Variants in C9 observed in about 807,000 individuals in gnomAD.
C9 encodes complement component C9.
A neutral mutation model predicts 65.4 loss-of-function variants in C9; 63 were observed. The ratio of observed to expected loss-of-function variants is 0.96; its 90% confidence interval spans 0.79 to 1.19. The LOEUF is 1.19. Among genes scored for constraint, C9 ranks in the 50% most tolerant of loss-of-function variants. The pLI, the probability that C9 is intolerant of heterozygous loss-of-function variation, is 0.00. For missense variants in C9, 744 were observed against 670.1 expected (o/e 1.11, Z -1.22); for synonymous variants, 229 against 227.9 (o/e 1.00, Z -0.04).
intron 1 of C9, among the ~76,000 whole-genome samples, chr5:39,353,056 C>T (rs1169170498): frequency 1.3e-5 from 2 of 152,022 alleles, no homozygotes; most frequent in Non-Finnish European, 2.9e-5. Context: ...GATGTGAAGA[C>T]AGAAAAGGCA....
At chr5:39,299,881 A>C (rs1264943844) in intron 9 of C9, among the ~76,000 whole-genome samples, 1 of 152,158 alleles carries the variant, frequency 6.6e-6, no homozygotes, top group East Asian at 1.9e-4. Flanking sequence ...CTAAAAACCA[A>C]GATATAAAAT....
chr5:39,344,800 C>T (rs945517936), intron 1 of C9, among the ~76,000 whole-genome samples: 1 of 152,126 alleles, frequency 6.6e-6, no homozygotes, highest in African/African-American at 2.4e-5. Flanking sequence ...TAAAGGGAAA[C>T]CCATCAGACT....
chr5:39,295,283 G>A (rs529096190), intron 9 of C9, among the ~76,000 whole-genome samples: 1 of 151,938 alleles, frequency 6.6e-6, no homozygotes, highest in East Asian at 1.9e-4. Context: ...GTTTGCAGAA[G>A]ACATGATCTT....
At position 39,347,691 on chromosome 5, in the gene C9, C is replaced by T. The variant is rs535737270; in HGVS notation, c.78-5495G>A. ...CTACTTTAAAGTTCATATGGAACCA[C>T]AAAAGAGCCCTCATTACCAAGATAA... On this transcript the variant is annotated intron_variant, in intron 1 of 10. Transcript: ENST00000263408. Among the ~76,000 whole-genome samples the T allele has an allele frequency of 2.6e-4, 40 of 152,214 alleles. No homozygotes were observed. The South Asian group carries it at 8.3e-3, about 32-fold the overall frequency.
chr5:39,357,924 T>G lies in C9; in HGVS notation c.77+6464A>C, dbSNP rs529798624. Among the ~76,000 whole-genome samples the G allele has an allele frequency of 5.8e-4, 89 of 152,248 alleles. 1 individual carries two copies. Among genetic ancestry groups the G allele is most frequent in the African/African-American group, 2.1e-3 (86 of 41,540 alleles). ...TCTAAAGATATTTGCTTGAAAGCCT[T>G]TCACCACTGTGTACGAAGCCACCTA... On this transcript the variant is annotated intron_variant, in intron 1 of 10. Transcript: ENST00000263408.
intron 5 of C9, among the ~76,000 whole-genome samples, chr5:39,324,998 CT>C (rs1411854015): frequency 6.6e-6 from 1 of 152,048 alleles, no homozygotes; most frequent in African/African-American, 2.4e-5. Flanking sequence ...ATAAACATTG[CT>C]TATGGCACTA....
intron 1 of C9, among the ~76,000 whole-genome samples, chr5:39,360,953 C>T (rs1307982457): frequency 6.6e-6 from 1 of 152,036 alleles, no homozygotes; most frequent in East Asian, 1.9e-4. Flanking sequence ...TAACCACTTA[C>T]AAAATGATAT....
intron 5 of C9, among the ~76,000 whole-genome samples, chr5:39,318,927 T>G (rs959464998): frequency 3.3e-5 from 5 of 152,242 alleles, no homozygotes; most frequent in African/African-American, 9.6e-5. Flanking sequence ...CTAGATTTAT[T>G]TCTAGTCAAT....
At chr5:39,318,798 T>C (rs1171234856) in intron 5 of C9, among the ~76,000 whole-genome samples, 1 of 152,212 alleles carries the variant, frequency 6.6e-6, no homozygotes, top group Non-Finnish European at 1.5e-5. Flanking sequence ...TATAGTTATC[T>C]TTAAAACAAG....
chr5:39,290,847 T>G (rs180822426), intron 9 of C9, among the ~76,000 whole-genome samples: 10 of 151,996 alleles, frequency 6.6e-5, no homozygotes, highest in Admixed American at 6.6e-4. Flanking sequence ...ATGCTATCCT[T>G]TGATTTGGGG....
chr5:39,361,978 G>T (rs1346138860), intron 1 of C9, among the ~76,000 whole-genome samples: 1 of 152,128 alleles, frequency 6.6e-6, no homozygotes, highest in Non-Finnish European at 1.5e-5. Context: ...GCACAGGAAG[G>T]TTATTATTTT....
chr5:39,306,570 TA>T, intron 9 of C9, 46 bp downstream of exon 9: 5 of 1,437,548 alleles, frequency 3.5e-6, no homozygotes, highest in Non-Finnish European at 3.9e-6. Context: ...TGACATTTAA[TA>T]AAAAAATGAC....
At chr5:39,286,124 A>G (rs1425788371) in intron 10 of C9, among the ~76,000 whole-genome samples, 3 of 152,102 alleles carry the variant, frequency 2.0e-5, no homozygotes, top group African/African-American at 4.8e-5. Flanking sequence ...TTCATTATCT[A>G]TGAAACACAA....
chr5:39,300,601 A>T (rs962003667), intron 9 of C9, among the ~76,000 whole-genome samples: 9 of 148,778 alleles, frequency 6.0e-5, no homozygotes, highest in South Asian at 2.1e-4. Flanking sequence ...TAGGTAATTT[A>T]AAAAAAAAAA....
In C9 at chr5:39,315,973, A is replaced by T. The variant is rs1437213910; in HGVS notation, c.672T>A (p.Phe224Leu). Residue 224 changes from phenylalanine to leucine, a missense_variant, in exon 6 of 11, where the codon TTT becomes TTA. Coordinates refer to ENST00000263408, the MANE Select transcript of C9 (RefSeq NM_001737.5). ...ATGTCTTCTCTTGGATGATACTTTT[A>T]AATGCTTCAATTTGTTCTTCGTAAT... is the stretch of plus-strand genomic sequence containing the variant. ...TEHYEEQIEA[F>L]KSIIQEKTSN... 1.2e-6 allele frequency: 2 copies of T among 1,611,314 alleles called. No individual in the cohort carries two copies. The highest frequency in any genetic ancestry group is 2.7e-5 in the African/African-American group (2 of 74,852).
At chr5:39,359,102 GTATA>G (rs1157807681) in intron 1 of C9, among the ~76,000 whole-genome samples, 13 of 103,668 alleles carry the variant, frequency 1.3e-4, no homozygotes, top group East Asian at 2.3e-4. Flanking sequence ...GTGTGTGTGT[GTATA>G]TATATATATA....
At chr5:39,291,633 A>G (rs868233195) in intron 9 of C9, among the ~76,000 whole-genome samples, 1 of 152,076 alleles carries the variant, frequency 6.6e-6, no homozygotes, top group East Asian at 1.9e-4. Context: ...AATTGCTAAA[A>G]AAACAAAACC....
In C9 at chr5:39,334,633, A is replaced by G. The variant is rs866015730; in HGVS notation, c.477-2819T>C. ...AGGTGAGGGGCGCCTCTGCCTGGCCACCCCTACTGGGAAGTGAGGAGCCCC... is the reference window on the plus strand; with the variant it reads ...AGGTGAGGGGCGCCTCTGCCTGGCCGCCCCTACTGGGAAGTGAGGAGCCCC... On this transcript the variant is annotated intron_variant, in intron 4 of 10. Coordinates refer to ENST00000263408, the MANE Select transcript of C9 (RefSeq NM_001737.5). Among the ~76,000 whole-genome samples the G allele has an allele frequency of 7.8e-3, 1,073 of 137,072 alleles. 28 individuals are homozygous for G. Among genetic ancestry groups the G allele is most frequent in the African/African-American group, 0.03 (974 of 32,500 alleles). 89.9% of individuals were successfully genotyped at this position (137,072 alleles called of 152,430 possible).
intron 5 of C9, among the ~76,000 whole-genome samples, chr5:39,317,682 A>G (rs1315011766): frequency 2.0e-5 from 3 of 151,980 alleles, no homozygotes; most frequent in Non-Finnish European, 4.4e-5. Context: ...TGAGTTCTCT[A>G]TTGTGTTCCA....
Sources: allele counts gnomAD v4.1 joint callset (sites outside exome capture counted in the v4.1 genomes callset), GRCh38; gene constraint gnomAD v4.1.1; transcripts MANE v1.5; gene names NCBI Gene and HGNC (gene_info 2026-07-23, HGNC 2026-07-21).